ARHGAP15: variants seen among roughly 807,000 people sequenced by gnomAD.
ARHGAP15 encodes the protein Rho GTPase activating protein 15.
ARHGAP15 carries 51 observed loss-of-function variants against 63.7 expected under a neutral mutation model. The ratio of observed to expected loss-of-function variants is 0.80; its 90% confidence interval spans 0.64 to 1.01. ARHGAP15 has a LOEUF of 1.01. Ranked by LOEUF, ARHGAP15 falls within the 50% of genes least tolerant of loss-of-function variation. The probability of loss-of-function intolerance (pLI) is 0.00; values close to 1 mark genes in which losing one functional copy is unlikely to be tolerated. For missense variants in ARHGAP15, 560 were observed against 564.6 expected (o/e 0.99, Z 0.08); for synonymous variants, 191 against 193.8 (o/e 0.99, Z 0.12).
At chr2:143,183,600 G>C (rs1467887417) in intron 2 of ARHGAP15, among the ~76,000 whole-genome samples, 1 of 152,078 alleles carries the variant, frequency 6.6e-6, no homozygotes, top group Admixed American at 6.6e-5. Flanking sequence ...GGGAATAAAA[G>C]TGTAGAACAG....
At chr2:143,397,316 ATG>A (rs71411383) in intron 6 of ARHGAP15, among the ~76,000 whole-genome samples, 39,433 of 147,626 alleles carry the variant, frequency 0.27, 6,117 homozygotes, top group Non-Finnish European at 0.36. Context: ...TGAGATATGT[ATG>A]TGTGTGTGTG....
chr2:143,588,954 G>T (rs1697215186), intron 11 of ARHGAP15, among the ~76,000 whole-genome samples: 1 of 151,824 alleles, frequency 6.6e-6, no homozygotes, highest in South Asian at 2.1e-4. Context: ...TCAAGACATT[G>T]GGTCAAGACT....
intron 6 of ARHGAP15, among the ~76,000 whole-genome samples, chr2:143,396,744 T>C (rs1475284883): frequency 1.3e-5 from 2 of 152,116 alleles, no homozygotes; most frequent in African/African-American, 4.8e-5. Context: ...TAGATGCACA[T>C]TGAGGTCCAA....
intron 4 of ARHGAP15, among the ~76,000 whole-genome samples, chr2:143,224,356 G>A (rs1000504166): frequency 5.9e-5 from 9 of 152,038 alleles, no homozygotes; most frequent in Non-Finnish European, 1.0e-4. Context: ...AAAAAATCTC[G>A]ATTTTTTCTG....
intron 5 of ARHGAP15, among the ~76,000 whole-genome samples, chr2:143,246,693 G>A (rs1694057638): frequency 6.6e-6 from 1 of 152,008 alleles, no homozygotes; most frequent in Admixed American, 6.6e-5. Flanking sequence ...TGGTTGAAGT[G>A]ACTGTGGAAT....
At chr2:143,680,282 T>C (rs1295412849) in intron 12 of ARHGAP15, among the ~76,000 whole-genome samples, 2 of 152,148 alleles carry the variant, frequency 1.3e-5, no homozygotes, top group Non-Finnish European at 2.9e-5. Context: ...GGGCAAAACA[T>C]GGGGTAGTTG....
rs58194704 is a variant in ARHGAP15 at position 143,407,987 on chromosome 2, GTATATATATATATATATA to G, written c.475-27586_475-27569del. On this transcript the variant is annotated intron_variant, in intron 6 of 13. Transcript: ENST00000295095. ...TTTTTAAAGTCTGACTTCTGTGTGT[GTATATATATATATATATA>G]TATATATATATATATATATATATAT... Among the ~76,000 whole-genome samples the G allele has an allele frequency of 2.8e-3, 219 of 77,456 alleles. 4 individuals are homozygous for G. The highest frequency in any genetic ancestry group is 9.0e-3 in the African/African-American group (203 of 22,478). The allele number at this position is 77,456 out of a possible 152,430, so 50.8% of individuals were successfully genotyped here.
Position 143,162,011 on chromosome 2 carries a change from T to C in ARHGAP15, c.165+6356T>C, listed in dbSNP as rs535493171. The C allele has an allele frequency of 1.2e-4, 18 of 152,098 alleles. No homozygotes were observed. In the South Asian group the frequency reaches 2.5e-3, roughly 21 times the overall value. 9.4% of individuals were successfully genotyped at this position (152,098 alleles called of 1,614,324 possible). A position where few individuals can be genotyped will look rare whatever the true frequency, so the allele number is the denominator to read the frequency against. On this transcript the variant is annotated intron_variant, in intron 2 of 13. Transcript: ENST00000295095. ...ATTCATGAGATGTTTCAAGGAAATA[T>C]TGGGATAGTTTACAAATCTAGAGGG...
At chr2:143,344,983 T>A (rs963700744) in intron 6 of ARHGAP15, among the ~76,000 whole-genome samples, 5 of 152,112 alleles carry the variant, frequency 3.3e-5, no homozygotes. Flanking sequence ...GATCTCTGAT[T>A]TTCTCAGAAG....
chr2:143,321,704 G>C (rs2105226047), intron 6 of ARHGAP15, among the ~76,000 whole-genome samples: 1 of 152,332 alleles, frequency 6.6e-6, no homozygotes, highest in African/African-American at 2.4e-5. Context: ...CAATTCTTTA[G>C]TTTTGTTTTT....
chr2:143,317,851 A>G (rs2381463), intron 6 of ARHGAP15, among the ~76,000 whole-genome samples: 126,471 of 152,130 alleles, frequency 0.83, 52,843 homozygotes, highest in African/African-American at 0.9. Flanking sequence ...GTGAAAGTGT[A>G]GTATTAGGAA....
chr2:143,502,047 C>G (rs1189932334), intron 9 of ARHGAP15, among the ~76,000 whole-genome samples: 1 of 152,136 alleles, frequency 6.6e-6, no homozygotes, highest in Non-Finnish European at 1.5e-5. Flanking sequence ...AGAAAGTAAA[C>G]AGTCCATTGG....
chr2:143,717,195 G>A (rs1014727564), intron 13 of ARHGAP15, among the ~76,000 whole-genome samples: 7 of 152,216 alleles, frequency 4.6e-5, no homozygotes, highest in African/African-American at 1.2e-4. Flanking sequence ...GCCCAACCAC[G>A]GAAGATATTC....
intron 5 of ARHGAP15, among the ~76,000 whole-genome samples, chr2:143,239,498 C>G (rs1693776133): frequency 1.3e-5 from 2 of 152,212 alleles, no homozygotes; most frequent in Non-Finnish European, 1.5e-5. Context: ...CTCTCTGCTT[C>G]TATGAGTTTG....
rs1680159577 is a variant in ARHGAP15 at position 143,633,623 on chromosome 2, C to T, written c.1138+9356C>T. Among the ~76,000 whole-genome samples, 5 of 152,158 alleles carry T rather than the reference C, an allele frequency of 3.3e-5. 1 individual carries two copies. In the South Asian group the frequency reaches 1.0e-3, roughly 32 times the overall value. On this transcript the variant is annotated intron_variant, in intron 12 of 13. Transcript: ENST00000295095. ...GCTGAGCAACCAGCCAGGCAGCCTT[C>T]ATGAGTCAGCTTCCCTAGCATCCTT...
At chr2:143,135,320 C>G (rs1558766554) in intron 1 of ARHGAP15, among the ~76,000 whole-genome samples, 1 of 152,176 alleles carries the variant, frequency 6.6e-6, no homozygotes, top group East Asian at 1.9e-4. Flanking sequence ...GTCAGTAACA[C>G]ACAATACAAT....
At chr2:143,766,547 C>A (rs543916081) in intron 13 of ARHGAP15, 1 of 152,136 alleles carries the variant, frequency 6.6e-6, no homozygotes, top group South Asian at 2.1e-4. Flanking sequence ...AAGGTCTCAA[C>A]TTAATAAGGA....
intron 12 of ARHGAP15, among the ~76,000 whole-genome samples, chr2:143,680,798 C>A (rs1258372876): frequency 6.6e-6 from 1 of 152,112 alleles, no homozygotes. Flanking sequence ...TAAAAAGCAA[C>A]AAAACAGAAA....
intron 7 of ARHGAP15, 73 bp from the exon 8 acceptor site, chr2:143,436,840 T>C (rs886347587): frequency 1.8e-5 from 28 of 1,541,642 alleles, no homozygotes; most frequent in African/African-American, 2.8e-5. Flanking sequence ...AACAGCAAAA[T>C]TGAACACAAA....
Sources: allele counts gnomAD v4.1 joint callset (sites outside exome capture counted in the v4.1 genomes callset), GRCh38; gene constraint gnomAD v4.1.1; transcripts MANE v1.5; gene names NCBI Gene and HGNC (gene_info 2026-07-23, HGNC 2026-07-21).